The following CPT1A variants were observed in gnomAD, a reference collection of about 807,000 sequenced individuals.
CPT1A encodes carnitine O-palmitoyltransferase 1, liver isoform.
Under a neutral mutation model 100.8 loss-of-function variants are expected in CPT1A, and 64 were observed. The ratio of observed to expected loss-of-function variants is 0.63; its 90% CI spans 0.52 to 0.78. The LOEUF is 0.78. Among genes scored for constraint, CPT1A ranks in the 30% least tolerant of loss-of-function variants. The pLI, the probability that CPT1A is intolerant of heterozygous loss-of-function variation, is 0.00. For synonymous variants in CPT1A, 363 were observed against 396.0 expected (o/e 0.92, Z 0.99); for missense variants, 802 against 1,034.1 (o/e 0.78, Z 3.08).
rs1855054355 is a variant in CPT1A, at chr11:68,773,551, A to G, written c.1576-122T>C. On this transcript the variant is annotated intron_variant, in intron 13 of 18. Coordinates refer to ENST00000265641, the MANE Select transcript of CPT1A (RefSeq NM_001876.4). ...TAAACTCGGTACTGGGAAGTACACA[A>G]ACGTTTTCCTGACCCAGAAGCCCTA... 8.5e-6 allele frequency: 13 copies of G among 1,535,126 alleles called. No individual in the cohort carries two copies. The South Asian group carries it at 1.5e-4, about 18-fold the overall frequency.
At position 68,827,987 on chromosome 11, in the gene CPT1A, GCAAA is replaced by G. The variant is rs200151280; in HGVS notation, c.-13-12504_-13-12501del. On this transcript the variant is annotated intron_variant, in intron 1 of 18. Coordinates refer to ENST00000265641, the MANE Select transcript of CPT1A (RefSeq NM_001876.4). ...CTTCTCTGTTCACTTTTTCACTGTT[GCAAA>G]CAAAGAAGCAGACAGTGGCCTTGTC... is the stretch of plus-strand genomic sequence containing the variant. 8.0e-3 allele frequency among the ~76,000 whole-genome samples: 1,221 copies of G among 152,226 alleles called. 14 individuals carry two copies. The highest frequency in any genetic ancestry group is 0.045 in the East Asian group (234 of 5,180).
chr11:68,815,120 G>A (rs998874358), intron 2 of CPT1A, among the ~76,000 whole-genome samples: 1 of 152,100 alleles, frequency 6.6e-6, no homozygotes, highest in African/African-American at 2.4e-5. Flanking sequence ...CTGCTTTAAC[G>A]CATGCCAAGT....
At chr11:68,833,957 C>T (rs372632029) in intron 1 of CPT1A, among the ~76,000 whole-genome samples, 1 of 152,108 alleles carries the variant, frequency 6.6e-6, no homozygotes, top group East Asian at 1.9e-4. Flanking sequence ...TAAGCTGGGA[C>T]TACAGGTGTG....
chr11:68,793,164 C>A, intron 9 of CPT1A, 151 bp downstream of exon 9: 1 of 616,104 alleles, frequency 1.6e-6, no homozygotes, highest in Admixed American at 3.0e-5. Context: ...CTAAGACAGA[C>A]AAAGGAAATT....
At chr11:68,824,911 G>C (rs1856683478) in intron 1 of CPT1A, among the ~76,000 whole-genome samples, 3 of 147,840 alleles carry the variant, frequency 2.0e-5, no homozygotes, top group African/African-American at 7.5e-5. Context: ...CAATTCTCCT[G>C]CCTCAGCCTC....
At position 68,755,634 on chromosome 11, in the gene CPT1A, C is replaced by T. The variant is rs1376779646; in HGVS notation, c.*2010G>A. On this transcript the variant is annotated 3_prime_UTR_variant, in exon 19 of 19. Coordinates refer to ENST00000265641, the MANE Select transcript of CPT1A (RefSeq NM_001876.4). ...CCGTGTTAGCCAGGATGGTCTCCAT[C>T]TCCTGACCTCGTGATCCGCCCGCCT... The T allele has an allele frequency of 6.6e-6, 1 of 150,772 alleles. No individual in the cohort carries two copies. Among genetic ancestry groups the T allele is most frequent in the Non-Finnish European group, 1.5e-5 (1 of 67,806 alleles). The allele number at this position is 150,772 out of a possible 1,614,324, so 9.3% of individuals were successfully genotyped here. A position where few individuals can be genotyped will look rare whatever the true frequency, so the allele number is the denominator to read the frequency against.
chr11:68,788,792 G>T (rs772554951), intron 9 of CPT1A, among the ~76,000 whole-genome samples: 5 of 152,056 alleles, frequency 3.3e-5, no homozygotes, highest in Non-Finnish European at 7.4e-5. Flanking sequence ...CATTTTAAAA[G>T]TTGCTAACCC....
chr11:68,807,358 C>A (rs1389709684), intron 4 of CPT1A, 109 bp downstream of exon 4: 9 of 1,169,730 alleles, frequency 7.7e-6, no homozygotes, highest in African/African-American at 6.1e-5. Flanking sequence ...AAGTCACCAA[C>A]CAAGCATAGA....
intron 1 of CPT1A, among the ~76,000 whole-genome samples, chr11:68,824,049 C>T (rs1230678746): frequency 6.6e-6 from 1 of 151,630 alleles, no homozygotes; most frequent in Non-Finnish European, 1.5e-5. Context: ...GAGTTTGAGA[C>T]CAGCCTGGAC....
At position 68,781,905 on chromosome 11, in the gene CPT1A, C is replaced by A; in HGVS notation, c.1218G>T (p.Gln406His). Reference protein sequence around the residue: ...QAYFGRGKNKQSLDAVEKAAF... With the variant: ...QAYFGRGKNKHSLDAVEKAAF... ...CTGCTTTCTCCACAGCATCAAGAGA[C>A]TGCTTATTTTTCCCACGTCCAAAAT... The change falls in exon 11 of 19, where the codon CAG (glutamine) becomes CAT (histidine). Residue 406 changes from glutamine (Q) to histidine (H), a missense_variant. Physicochemically the swap from Gln to His is conservative, Grantham distance 24 (BLOSUM62 0). Around this residue, in one of 4 missense-constraint regions of CPT1A, gnomAD observed 627 missense variants for 799.3 expected, o/e 0.78. Transcript: ENST00000265641. 3 of 1,614,200 alleles carry A rather than the reference C, an allele frequency of 1.9e-6. No homozygotes were observed. Among genetic ancestry groups the A allele is most frequent in the Non-Finnish European group, 2.5e-6 (3 of 1,180,030 alleles).
chr11:68,826,966 G>A (rs1018625445), intron 1 of CPT1A, among the ~76,000 whole-genome samples: 1 of 152,074 alleles, frequency 6.6e-6, no homozygotes, highest in Non-Finnish European at 1.5e-5. Flanking sequence ...CAGGGCCAAG[G>A]GCGCAAAGCT....
In CPT1A at chr11:68,779,504, A is replaced by AAAG. The variant is rs1177800177; in HGVS notation, c.1458+1135_1458+1136insCTT. The stretch of plus-strand genomic sequence containing the variant: ...GTAACGAATTATTAAAAAAAAAAAA[A>AAAG]AAAAAAAAAGGCTGAGTGTGGTGGC... On this transcript the variant is annotated intron_variant, in intron 12 of 18. Transcript: ENST00000265641. Among the ~76,000 whole-genome samples the AAAG allele has an allele frequency of 2.0e-5, 3 of 150,718 alleles. No individual in the cohort carries two copies. In the East Asian group the frequency reaches 5.8e-4, roughly 29 times the overall value.
intron 16 of CPT1A, among the ~76,000 whole-genome samples, chr11:68,760,625 G>A (rs187271700): frequency 3.3e-5 from 5 of 152,328 alleles, no homozygotes; most frequent in African/African-American, 7.2e-5. Context: ...GATTCGGAAC[G>A]GGGACAGAGG....
chr11:68,805,971 C>T (rs528560882), intron 4 of CPT1A, among the ~76,000 whole-genome samples: 57 of 151,900 alleles, frequency 3.8e-4, no homozygotes, highest in Non-Finnish European at 7.4e-4. Context: ...AGTCCAGAGA[C>T]GATGCCCATC....
intron 8 of CPT1A, among the ~76,000 whole-genome samples, 193 bp downstream of exon 8, chr11:68,794,611 A>G (rs2153999776): frequency 6.6e-6 from 1 of 152,288 alleles, no homozygotes; most frequent in Non-Finnish European, 1.5e-5. Context: ...GGGTTTCACT[A>G]TGTTGGCCAG....
intron 1 of CPT1A, among the ~76,000 whole-genome samples, chr11:68,821,657 A>C (rs1856585328): frequency 6.6e-6 from 1 of 152,206 alleles, no homozygotes; most frequent in South Asian, 2.1e-4. Flanking sequence ...TGCTATGTAA[A>C]CAGTTGTTAT....
intron 1 of CPT1A, among the ~76,000 whole-genome samples, chr11:68,820,997 G>A (rs982644239): frequency 3.3e-5 from 5 of 152,088 alleles, no homozygotes; most frequent in Admixed American, 3.3e-4. Flanking sequence ...ACATCCTCCT[G>A]TATATATATT....
In CPT1A at chr11:68,774,736, C is replaced by T. The variant is rs183290954; in HGVS notation, c.1575+580G>A. Among the ~76,000 whole-genome samples, 10 of 146,834 alleles carry T rather than the reference C, an allele frequency of 6.8e-5. No individual in the cohort carries two copies. In the East Asian group the frequency reaches 1.0e-3, roughly 15 times the overall value. On this transcript the variant is annotated intron_variant, in intron 13 of 18. Coordinates refer to ENST00000265641, the MANE Select transcript of CPT1A (RefSeq NM_001876.4). Reference sequence around the variant, plus strand: ...GGCAGAGGTTGCAGTGAGCTGAGATCGCGCCATTGCACTCCAGCCTGGGTG... The same window carrying T: ...GGCAGAGGTTGCAGTGAGCTGAGATTGCGCCATTGCACTCCAGCCTGGGTG...
At chr11:68,808,314 G>A (rs1316005328) in intron 3 of CPT1A, among the ~76,000 whole-genome samples, 3 of 151,508 alleles carry the variant, frequency 2.0e-5, no homozygotes, top group African/African-American at 4.8e-5. Flanking sequence ...TTTTGTTTGT[G>A]AAGGAAGGTA....
Sources: gnomAD v4.1 joint callset for allele counts (sites outside exome capture counted in the v4.1 genomes callset) on GRCh38, gnomAD v4.1.1 for gene constraint, gnomAD v4.1.1 regional missense constraint, MANE v1.5 for transcripts, NCBI Gene and HGNC (gene_info 2026-07-23, HGNC 2026-07-21) for gene names.